The following NRG1 variants were observed in gnomAD, a reference collection of about 807,000 sequenced individuals.
NRG1 encodes pro-neuregulin-1, membrane-bound isoform.
NRG1 carries 18 observed loss-of-function variants against 63.8 expected under a neutral mutation model. The ratio of observed to expected loss-of-function variants is 0.28; its 90% CI spans 0.19 to 0.42. NRG1 has a LOEUF of 0.42. Ranked by LOEUF, NRG1 falls within the 10% of genes least tolerant of loss-of-function variation. NRG1 has a pLI of 1.00. For missense variants in NRG1, 762 were observed against 814.7 expected (o/e 0.94, Z 0.79); for synonymous variants, 302 against 301.3 (o/e 1.00, Z -0.02).
intron 5 of NRG1, among the ~76,000 whole-genome samples, chr8:32,633,725 C>T (rs1255411081): frequency 6.6e-6 from 1 of 152,108 alleles, no homozygotes; most frequent in Non-Finnish European, 1.5e-5. Context: ...GAAGCAGAAA[C>T]GATTGCAATC....
At chr8:32,101,438 C>G (rs531095760) in intron 1 of NRG1, among the ~76,000 whole-genome samples, 38 of 150,976 alleles carry the variant, frequency 2.5e-4, no homozygotes, top group African/African-American at 8.8e-4. Flanking sequence ...GAGAAGGAGG[C>G]CAGCAGTCTT....
chr8:32,420,201 CGGT>C (rs1816520185), intron 1 of NRG1, among the ~76,000 whole-genome samples: 1 of 152,108 alleles, frequency 6.6e-6, no homozygotes, highest in Admixed American at 6.6e-5. Flanking sequence ...GTACAGCTCC[CGGT>C]GGGGTGGCAC....
chr8:32,035,262 G>A (rs918637661), intron 1 of NRG1, among the ~76,000 whole-genome samples: 1 of 152,020 alleles, frequency 6.6e-6, no homozygotes, highest in Non-Finnish European at 1.5e-5. Flanking sequence ...GGTTTTGAGT[G>A]AGTTTCTTGA....
chr8:31,640,881 A>G lies in NRG1; in HGVS notation c.37+1450A>G, dbSNP rs1025140405. 4.6e-5 allele frequency among the ~76,000 whole-genome samples: 7 copies of G among 152,198 alleles called. No homozygotes were observed. Among genetic ancestry groups the G allele is most frequent in the Non-Finnish European group, 8.8e-5 (6 of 68,018 alleles). On this transcript the variant is annotated intron_variant, in intron 1 of 10. Transcript: ENST00000519301. The surrounding 1 kb of genome is among the most constrained non-coding windows in gnomAD (Gnocchi z 6.3). The stretch of plus-strand genomic sequence containing the variant: ...GGGTGGTGGGTTCTCAGCGATCCTC[A>G]GAGAGGGAGGTTTCGCTTTCTCCAG...
At chr8:31,902,683 T>G (rs1161228679) in intron 1 of NRG1, among the ~76,000 whole-genome samples, 1 of 152,182 alleles carries the variant, frequency 6.6e-6, no homozygotes, top group Non-Finnish European at 1.5e-5. Flanking sequence ...CATAATTATT[T>G]GTGTGCAATA....
At position 32,756,606 on chromosome 8, in the gene NRG1, C is replaced by A. The variant is rs1030314824; in HGVS notation, c.921+77C>A. On this transcript the variant is annotated intron_variant, in intron 9 of 11. Coordinates refer to ENST00000356819, the Ensembl canonical transcript of NRG1. ...ACGCCTTGAAGTTTATTTTCGAAAG[C>A]TCTTAAGCTTTTAGCTGCTGCCATT... is the stretch of plus-strand genomic sequence containing the variant. The A allele has an allele frequency of 1.7e-5, 26 of 1,489,838 alleles. No individual in the cohort carries two copies. The African/African-American group carries it at 2.4e-4, about 14-fold the overall frequency. The allele number at this position is 1,489,838 out of a possible 1,614,324, so 92.3% of individuals were successfully genotyped here. A position where few individuals can be genotyped will look rare whatever the true frequency, so the allele number is the denominator to read the frequency against.
intron 1 of NRG1, among the ~76,000 whole-genome samples, chr8:31,772,333 C>T (rs1158387961): frequency 6.6e-6 from 1 of 152,088 alleles, no homozygotes; most frequent in Admixed American, 6.6e-5. Context: ...AAAGACCTGT[C>T]TTCTGTTCTT....
chr8:32,027,863 C>G (rs548428140), intron 1 of NRG1, among the ~76,000 whole-genome samples: 4 of 152,122 alleles, frequency 2.6e-5, no homozygotes, highest in African/African-American at 9.7e-5. Flanking sequence ...AATCTTCACT[C>G]TCTTCAAAGA....
At chr8:31,950,979 A>G (rs893234025) in intron 1 of NRG1, among the ~76,000 whole-genome samples, 2 of 152,246 alleles carry the variant, frequency 1.3e-5, no homozygotes, top group African/African-American at 2.4e-5. Flanking sequence ...ATGGAAAATA[A>G]CAGTGATTAG....
At chr8:32,275,975 T>C (rs1852059545) in intron 1 of NRG1, among the ~76,000 whole-genome samples, 1 of 152,198 alleles carries the variant, frequency 6.6e-6, no homozygotes, top group Non-Finnish European at 1.5e-5. Flanking sequence ...ATGTATACAG[T>C]GTGTAATGAT....
At chr8:32,525,870 AGTT>A (rs1337488825) in intron 1 of NRG1, among the ~76,000 whole-genome samples, 1 of 152,278 alleles carries the variant, frequency 6.6e-6, no homozygotes, top group African/African-American at 2.4e-5. Flanking sequence ...TTGACAAGTC[AGTT>A]GTTACAAATT....
intron 5 of NRG1, among the ~76,000 whole-genome samples, chr8:32,667,068 T>G (rs1159997198): frequency 6.6e-6 from 1 of 152,124 alleles, no homozygotes; most frequent in African/African-American, 2.4e-5. Context: ...CATCATAGAG[T>G]GACTTAACAC....
At chr8:31,816,230 A>G (rs1586610457) in intron 1 of NRG1, among the ~76,000 whole-genome samples, 1 of 152,160 alleles carries the variant, frequency 6.6e-6, no homozygotes, top group African/African-American at 2.4e-5. Flanking sequence ...GAGCACCTCA[A>G]CTGAGGCTGG....
chr8:31,748,385 A>G (rs1816108898), intron 1 of NRG1, among the ~76,000 whole-genome samples: 1 of 151,930 alleles, frequency 6.6e-6, no homozygotes, highest in Admixed American at 6.6e-5. Context: ...AAAGAAGTTA[A>G]GTATTTTGCT....
At chr8:32,290,083 A>T (rs1854010188) in intron 1 of NRG1, among the ~76,000 whole-genome samples, 2 of 152,034 alleles carry the variant, frequency 1.3e-5, no homozygotes, top group Admixed American at 1.3e-4. Flanking sequence ...TCTACAAAAA[A>T]TACAGAAATT....
intron 1 of NRG1, among the ~76,000 whole-genome samples, chr8:32,291,561 CAG>C (rs1384646825): frequency 9.8e-6 from 1 of 102,214 alleles, no homozygotes; most frequent in Non-Finnish European, 1.8e-5. Context: ...TTTTTTGAGA[CAG>C]AGTCTCGCTG....
intron 5 of NRG1, among the ~76,000 whole-genome samples, chr8:32,671,122 CTTATGCTTTTTTT>C (rs1198392271): frequency 6.8e-5 from 10 of 147,216 alleles, no homozygotes; most frequent in African/African-American, 2.5e-4. Flanking sequence ...TGGGTTTGTT[CTTATGCTTTTTTT>C]TTTTTTTAGC....
intron 1 of NRG1, among the ~76,000 whole-genome samples, chr8:32,196,940 A>ATTTTTTTTTTTT (rs1458233142): frequency 5.9e-5 from 2 of 34,010 alleles, no homozygotes; most frequent in African/African-American, 1.6e-4. Flanking sequence ...TTCTCAGAAC[A>ATTTTTTTTTTTT]TTCTTTTTTT....
chr8:32,558,076 A>G (rs1230852727), intron 1 of NRG1, among the ~76,000 whole-genome samples: 1 of 152,326 alleles, frequency 6.6e-6, no homozygotes. Flanking sequence ...CACTTAAAAG[A>G]AGGCAGAAAA....
Sources: gnomAD v4.1 joint callset for allele counts (sites outside exome capture counted in the v4.1 genomes callset) on GRCh38, gnomAD v4.1.1 for gene constraint, Gnocchi (gnomAD v3.1) non-coding constraint, MANE v1.5 for transcripts, NCBI Gene and HGNC (gene_info 2026-07-23, HGNC 2026-07-21) for gene names.